The following LARP1 variants were observed in gnomAD, a reference collection of about 807,000 sequenced individuals.
The protein encoded by LARP1 is La ribonucleoprotein 1, translational regulator, also known as la-related protein 1.
Under a neutral mutation model 122.7 loss-of-function variants are expected in LARP1, and 36 were observed. That is an observed-to-expected ratio of 0.29 (90% CI 0.22 to 0.39). The LOEUF is 0.39. Among genes scored for constraint, LARP1 ranks in the 10% least tolerant of loss-of-function variants. The pLI is 1.00. For missense variants in LARP1, 1,040 were observed against 1,403.6 expected (o/e 0.74, Z 4.14); for synonymous variants, 539 against 528.7 (o/e 1.02, Z -0.27).
chr5:154,725,224 T>C (rs1756131165), intron 1 of LARP1, among the ~76,000 whole-genome samples: 2 of 151,922 alleles, frequency 1.3e-5, no homozygotes, highest in South Asian at 4.2e-4. Context: ...ACCCCGTCTC[T>C]ACTAAAAATA....
At chr5:154,732,475 G>A (rs1484138801) in intron 1 of LARP1, among the ~76,000 whole-genome samples, 1 of 152,204 alleles carries the variant, frequency 6.6e-6, no homozygotes. Flanking sequence ...ACTACAGGGG[G>A]AAAGATTCTG....
At chr5:154,805,746 C>T (rs778095898) in intron 14 of LARP1, 135 bp from the exon 15 acceptor site, 5 of 878,466 alleles carry the variant, frequency 5.7e-6, no homozygotes, top group African/African-American at 3.4e-5. Context: ...GTTAAAGGTC[C>T]GTAACTGGGC....
In LARP1 at chr5:154,744,936, C is replaced by T. The variant is rs1316444352; in HGVS notation, c.205+31806C>T. 3.6e-5 allele frequency among the ~76,000 whole-genome samples: 4 copies of T among 110,968 alleles called. 1 individual carries two copies. The highest frequency in any genetic ancestry group is 2.7e-4 in the South Asian group (1 of 3,660). The allele number at this position is 110,968 out of a possible 152,430, so 72.8% of individuals were successfully genotyped here. On this transcript the variant is annotated intron_variant, in intron 1 of 18. Transcript: ENST00000336314. ...ACAGGCGTGAGCCACCGCGCCCGGC[C>T]GCTTTTTTTGAGATGGAGTCTCGCT...
At chr5:154,760,414 A>C (rs1754356705) in intron 1 of LARP1, among the ~76,000 whole-genome samples, 1 of 152,202 alleles carries the variant, frequency 6.6e-6, no homozygotes, top group Admixed American at 6.5e-5. Flanking sequence ...TCCCCACAAA[A>C]GAAAGAAACC....
chr5:154,758,106 A>G (rs1028970009), intron 1 of LARP1, among the ~76,000 whole-genome samples: 2 of 151,876 alleles, frequency 1.3e-5, no homozygotes, highest in African/African-American at 4.8e-5. Context: ...GGGGCTACTC[A>G]TCCTGGCTTG....
intron 1 of LARP1, among the ~76,000 whole-genome samples, chr5:154,696,950 G>A (rs1472322626): frequency 6.6e-6 from 1 of 152,130 alleles, no homozygotes; most frequent in Non-Finnish European, 1.5e-5. Flanking sequence ...TTCCTTGACT[G>A]GATCAGTGAA....
chr5:154,771,459 A>G (rs1755423071), intron 1 of LARP1, among the ~76,000 whole-genome samples: 5 of 152,234 alleles, frequency 3.3e-5, no homozygotes, highest in Admixed American at 3.3e-4. Context: ...AAGGCTTCAC[A>G]GTAGTTAGTA....
At chr5:154,740,430 C>A (rs1280089231) in intron 1 of LARP1, among the ~76,000 whole-genome samples, 1 of 151,800 alleles carries the variant, frequency 6.6e-6, no homozygotes, top group Admixed American at 6.6e-5. Context: ...ATTACCACCA[C>A]CAACACTCAG....
intron 15 of LARP1, among the ~76,000 whole-genome samples, chr5:154,807,951 G>A (rs1228211681): frequency 1.3e-5 from 2 of 152,014 alleles, no homozygotes; most frequent in Non-Finnish European, 2.9e-5. Flanking sequence ...GATTCTATGG[G>A]TTATCTTTTC....
chr5:154,803,603 C>T lies in LARP1; in HGVS notation c.2297C>T (p.Ser766Phe). Residue 766 changes from serine to phenylalanine, a missense_variant, in exon 13 of 19, where the codon TCT becomes TTT. By Grantham distance (155) the Ser-to-Phe change is radical. Coordinates refer to ENST00000518297, the MANE Select transcript of LARP1 (RefSeq NM_033551.3). This position sits in a 1 kb window ranked among gnomAD's most constrained non-coding sequence, Gnocchi z 4.4. ...GAPEPSTIAR[S>F]LPTTVPESPN... The stretch of plus-strand genomic sequence containing the variant: ...CCTGAGCCCTCCACCATCGCCCGCT[C>T]TCTACCAACCACTGTCCCAGAGTCA... 6.2e-7 allele frequency: 1 copy of T among 1,614,194 alleles called. No homozygotes were observed. The highest frequency in any genetic ancestry group is 2.2e-5 in the East Asian group (1 of 44,880).
rs1189202339 is a variant in LARP1 at position 154,756,127 on chromosome 5, G to T, written c.370G>T (p.Val124Leu). The T allele has an allele frequency of 7.8e-7, 1 of 1,286,070 alleles. No homozygotes were observed. Among genetic ancestry groups the T allele is most frequent in the Admixed American group, 2.4e-5 (1 of 40,898 alleles). The allele number at this position is 1,286,070 out of a possible 1,614,324, so 79.7% of individuals were successfully genotyped here. A position where few individuals can be genotyped will look rare whatever the true frequency, so the allele number is the denominator to read the frequency against. Residue 124 changes from valine to leucine, a missense_variant, in exon 1 of 19, where the codon GTG becomes TTG. By Grantham distance (32) the Val-to-Leu change is conservative. Transcript: ENST00000518297. ...RDFVEAPPPK[V>L]NPWTKNALPP... ...CTTCGTGGAAGCCCCCCCGCCCAAG[G>T]TGAACCCGTGGACTAAGAACGCATT...
rs1421183284 is a variant in LARP1, at chr5:154,796,146, A to T, written c.1377+827A>T. On this transcript the variant is annotated intron_variant, in intron 8 of 18. Coordinates refer to ENST00000518297, the MANE Select transcript of LARP1 (RefSeq NM_033551.3). ...TTATATATATTTTATATATTTATATATTATATATATATTTTATGTATTTAT... is the reference window on the plus strand; with the variant it reads ...TTATATATATTTTATATATTTATATTTTATATATATATTTTATGTATTTAT... Among the ~76,000 whole-genome samples the T allele has an allele frequency of 1.4e-4, 18 of 124,790 alleles. No homozygotes were observed. The East Asian group carries it at 3.3e-3, about 23-fold the overall frequency. The allele number at this position is 124,790 out of a possible 152,430, so 81.9% of individuals were successfully genotyped here. A position where few individuals can be genotyped will look rare whatever the true frequency, so the allele number is the denominator to read the frequency against.
At chr5:154,800,148 A>C (rs947046348) in intron 10 of LARP1, 106 bp downstream of exon 10, 44 of 1,009,400 alleles carry the variant, frequency 4.4e-5, no homozygotes, top group Non-Finnish European at 5.8e-5. Context: ...GCCAGCAGGA[A>C]ATCTGGGTAG....
upstream of LARP1, among the ~76,000 whole-genome samples, chr5:154,708,182 C>G (rs1025011288): frequency 6.6e-6 from 1 of 152,214 alleles, no homozygotes; most frequent in Admixed American, 6.5e-5. Context: ...GGCTCAGTCT[C>G]TTTCTTTCAA....
intron 1 of LARP1, among the ~76,000 whole-genome samples, chr5:154,735,599 G>A (rs983261857): frequency 1.9e-4 from 27 of 145,652 alleles, no homozygotes; most frequent in Admixed American, 9.7e-4. Flanking sequence ...ATGGAGTTTC[G>A]CTCTTGTTGT....
chr5:154,781,407 A>G (rs1325935020), intron 1 of LARP1, among the ~76,000 whole-genome samples: 1 of 152,150 alleles, frequency 6.6e-6, no homozygotes, highest in Non-Finnish European at 1.5e-5. Flanking sequence ...CCTGGCTAAT[A>G]TGGTGAAACC....
chr5:154,797,209 TTTG>T lies in LARP1; in HGVS notation c.1377+1902_1377+1904del, dbSNP rs1446804758. ...AAAATACATCATGGAGTTATTCTGT[TTTG>T]TTGTTGTTGTTTTTTTTTTTTTTTT... is the stretch of plus-strand genomic sequence containing the variant. On this transcript the variant is annotated intron_variant, in intron 8 of 18. Coordinates refer to ENST00000518297, the MANE Select transcript of LARP1 (RefSeq NM_033551.3). 1.4e-3 allele frequency among the ~76,000 whole-genome samples: 209 copies of T among 144,726 alleles called. 9 individuals are homozygous for T. The highest frequency in any genetic ancestry group is 2.2e-3 in the Admixed American group (30 of 13,700). 94.9% of individuals were successfully genotyped at this position (144,726 alleles called of 152,430 possible).
exon 1 of LARP1, chr5:154,712,892 G>A (rs1175880877): frequency 3.8e-6 from 6 of 1,598,404 alleles, no homozygotes; most frequent in Non-Finnish European, 4.3e-6. Context: ...AAACCCTCCA[G>A]GGCCACATAG....
intron 1 of LARP1, among the ~76,000 whole-genome samples, chr5:154,715,508 G>A (rs925460020): frequency 1.3e-5 from 2 of 152,056 alleles, no homozygotes; most frequent in Non-Finnish European, 2.9e-5. Context: ...TTCTCAAAGT[G>A]CTGGGATTAC....
Sources: gnomAD v4.1 joint callset for allele counts (sites outside exome capture counted in the v4.1 genomes callset) on GRCh38, gnomAD v4.1.1 for gene constraint, Gnocchi (gnomAD v3.1) non-coding constraint, MANE v1.5 for transcripts, NCBI Gene and HGNC (gene_info 2026-07-23, HGNC 2026-07-21) for gene names.